Variants in SCMH1 observed in about 807,000 individuals in gnomAD.
The protein encoded by SCMH1 is Scm polycomb group protein homolog 1.
SCMH1 carries 37 observed loss-of-function variants against 70.8 expected under a neutral mutation model. The observed-to-expected ratio is 0.52, with a 90% confidence interval of 0.40 to 0.69. The LOEUF (loss-of-function observed/expected upper bound fraction) is 0.69, where lower values mean the gene tolerates loss of function less well. SCMH1 is among the 30% of genes least tolerant of loss of function. The probability of loss-of-function intolerance (pLI) is 0.00; values close to 1 mark genes in which losing one functional copy is unlikely to be tolerated. For synonymous variants in SCMH1, 292 were observed against 307.4 expected, an observed-to-expected ratio of 0.95 and a Z score of 0.52; for missense variants, 607 against 827.3, an observed-to-expected ratio of 0.73 and a Z score of 3.27.
At chr1:41,076,960 C>T (rs1451885549) in intron 8 of SCMH1, among the ~76,000 whole-genome samples, 1 of 152,136 alleles carries the variant, frequency 6.6e-6, no homozygotes, top group Non-Finnish European at 1.5e-5. Flanking sequence ...ACCACTCTGA[C>T]TGCTTTGTGA....
intron 4 of SCMH1, chr1:41,159,953 GGATT>G (rs1302702514): frequency 1.2e-5 from 7 of 570,742 alleles, no homozygotes; most frequent in African/African-American, 2.0e-5. Context: ...AGGCAGAATG[GGATT>G]ATTATCCCCA....
intron 8 of SCMH1, among the ~76,000 whole-genome samples, chr1:41,108,023 G>T (rs1367067690): frequency 2.0e-5 from 3 of 152,174 alleles, no homozygotes; most frequent in Non-Finnish European, 2.9e-5. Context: ...TCCTGTACGT[G>T]AGCCACGATG....
At chr1:41,087,390 G>T (rs1186002378) in intron 8 of SCMH1, among the ~76,000 whole-genome samples, 1 of 151,724 alleles carries the variant, frequency 6.6e-6, no homozygotes, top group Admixed American at 6.6e-5. Flanking sequence ...TACAAATTGG[G>T]AGAAAATATT....
chr1:41,133,190 C>T (rs2148104601), intron 6 of SCMH1, among the ~76,000 whole-genome samples: 1 of 152,204 alleles, frequency 6.6e-6, no homozygotes, highest in Admixed American at 6.5e-5. Context: ...AATGTTCTTC[C>T]ATTTGTTTGT....
chr1:41,161,072 G>T (rs1350697370), intron 3 of SCMH1, among the ~76,000 whole-genome samples, 174 bp from the exon 4 acceptor site: 3 of 152,154 alleles, frequency 2.0e-5, no homozygotes, highest in Non-Finnish European at 4.4e-5. Flanking sequence ...ACCCAATTTT[G>T]CCTATTCCCA....
chr1:41,168,243 T>G lies in SCMH1; in HGVS notation c.14-6811A>C, dbSNP rs111577945. Among the ~76,000 whole-genome samples the G allele has an allele frequency of 4.2e-4, 64 of 152,168 alleles. 1 individual carries two copies. The highest frequency in any genetic ancestry group is 8.8e-5 in the Non-Finnish European group (6 of 68,034). ...TTCTTTGAATATATTTTATTTCTTCTTTTTCTGACATATCAATAATGCATT... is the reference window on the plus strand; with the variant it reads ...TTCTTTGAATATATTTTATTTCTTCGTTTTCTGACATATCAATAATGCATT... On this transcript the variant is annotated intron_variant, in intron 2 of 14. Coordinates refer to ENST00000337495, the Ensembl canonical transcript of SCMH1.
At chr1:41,132,656 T>C (rs1004017929) in intron 6 of SCMH1, among the ~76,000 whole-genome samples, 2 of 152,220 alleles carry the variant, frequency 1.3e-5, no homozygotes, top group African/African-American at 4.8e-5. Flanking sequence ...CCAGGTTTTC[T>C]TCTAGGGCTT....
At chr1:41,221,445 G>T (rs1037277322) in intron 1 of SCMH1, among the ~76,000 whole-genome samples, 6 of 151,650 alleles carry the variant, frequency 4.0e-5, no homozygotes, top group African/African-American at 9.7e-5. Flanking sequence ...TTTGGCCCAG[G>T]AGTTCAAGAC....
chr1:41,042,598 T>C (rs1037383347), intron 12 of SCMH1, among the ~76,000 whole-genome samples: 3 of 151,998 alleles, frequency 2.0e-5, no homozygotes, highest in Non-Finnish European at 2.9e-5. Context: ...ACATGCATAG[T>C]TCTGAAGAAG....
chr1:41,124,443 T>G (rs958814689), intron 6 of SCMH1, among the ~76,000 whole-genome samples: 1 of 152,200 alleles, frequency 6.6e-6, no homozygotes, highest in Admixed American at 6.5e-5. Flanking sequence ...TCTCCTTTAA[T>G]GTAGAATTCA....
chr1:41,113,472 C>T lies in SCMH1; in HGVS notation c.556G>A (p.Val186Met), dbSNP rs1669725266. ...ATGAAATGAGGGTTCTTCCTGTCCACAGCTTCTAGCTTCATTCCCATTTTG... is the reference window on the plus strand; with the variant it reads ...ATGAAATGAGGGTTCTTCCTGTCCATAGCTTCTAGCTTCATTCCCATTTTG... The change falls in exon 8 of 15, where the codon GTG (valine) becomes ATG (methionine). Residue 186 changes from valine (V) to methionine (M), a missense_variant. By Grantham distance (21) the Val-to-Met change is conservative. Coordinates refer to ENST00000337495, the Ensembl canonical transcript of SCMH1. The surrounding 1 kb of genome is among the most constrained non-coding windows in gnomAD (Gnocchi z 4.3). 1 of 1,614,092 alleles carries T rather than the reference C, an allele frequency of 6.2e-7. No homozygotes were observed. The highest frequency in any genetic ancestry group is 8.5e-7 in the Non-Finnish European group (1 of 1,179,996).
intron 8 of SCMH1, among the ~76,000 whole-genome samples, chr1:41,083,148 T>A (rs1428480333): frequency 2.0e-5 from 3 of 152,096 alleles, no homozygotes; most frequent in Non-Finnish European, 4.4e-5. Flanking sequence ...GAGAAGGAAA[T>A]AAAGGGTATT....
At chr1:41,159,494 G>T (rs140428296) in intron 4 of SCMH1, among the ~76,000 whole-genome samples, 18 of 152,266 alleles carry the variant, frequency 1.2e-4, no homozygotes, top group African/African-American at 4.3e-4. Flanking sequence ...AACCTGCAAA[G>T]TAGGTTTTAC....
intron 2 of SCMH1, among the ~76,000 whole-genome samples, chr1:41,164,236 A>G (rs1328669216): frequency 1.3e-5 from 2 of 152,170 alleles, no homozygotes; most frequent in East Asian, 3.9e-4. Flanking sequence ...GCAGCTCACT[A>G]GTGCTGAAGA....
At chr1:41,209,694 C>T (rs1656521220) in intron 1 of SCMH1, among the ~76,000 whole-genome samples, 2 of 152,218 alleles carry the variant, frequency 1.3e-5, no homozygotes, top group Non-Finnish European at 2.9e-5. Context: ...TCTCAATAAA[C>T]TAGGTATTGA....
intron 1 of SCMH1, among the ~76,000 whole-genome samples, chr1:41,238,637 C>T (rs1662868986): frequency 6.6e-6 from 1 of 152,186 alleles, no homozygotes; most frequent in Non-Finnish European, 1.5e-5. Context: ...ACACAGATGA[C>T]TCATTCAATA....
intron 8 of SCMH1, among the ~76,000 whole-genome samples, chr1:41,089,787 C>CTTTTTTTTTTTTTTCTTTTTTTTTT (rs1662819827): frequency 1.7e-5 from 1 of 58,756 alleles, no homozygotes; most frequent in Non-Finnish European, 2.9e-5. Flanking sequence ...CATGTTGTCT[C>CTTTTTTTTTTTTTTCTTTTTTTTTT]TTTTTTTTTT....
chr1:41,046,670 A>G (rs1284804072), intron 11 of SCMH1, 72 bp from the exon 12 acceptor site: 1 of 1,164,900 alleles, frequency 8.6e-7, no homozygotes, highest in Non-Finnish European at 1.3e-6. Context: ...GGACGAGTCC[A>G]GCCCACTGCT....
intron 8 of SCMH1, 121 bp from the exon 9 acceptor site, chr1:41,075,572 G>C (rs550406589): frequency 2.7e-6 from 2 of 734,996 alleles, no homozygotes; most frequent in Non-Finnish European, 4.5e-6. Context: ...CTGGTTTCCT[G>C]GCATTTGACC....
Sources: gnomAD v4.1 joint callset for allele counts (sites outside exome capture counted in the v4.1 genomes callset) on GRCh38, gnomAD v4.1.1 for gene constraint, Gnocchi (gnomAD v3.1) non-coding constraint, MANE v1.5 for transcripts, NCBI Gene and HGNC (gene_info 2026-07-23, HGNC 2026-07-21) for gene names.